The following SVEP1 variants were observed in gnomAD, a reference collection of about 807,000 sequenced individuals.
The protein encoded by SVEP1 is sushi, von Willebrand factor type A, EGF and pentraxin domain containing 1.
A neutral mutation model predicts 367.3 loss-of-function variants in SVEP1; 164 were observed. That is an observed-to-expected ratio of 0.45 (90% CI 0.39 to 0.51). SVEP1 has a LOEUF of 0.51. SVEP1 is among the 20% of genes least tolerant of loss of function. The pLI is 0.00. For missense variants in SVEP1, 4,117 were observed against 4,425.3 expected (o/e 0.93, Z 1.98); for synonymous variants, 1,666 against 1,611.6 (o/e 1.03, Z -0.81).
intron 14 of SVEP1, among the ~76,000 whole-genome samples, chr9:110,472,533 AAAG>A (rs1829037181): frequency 6.6e-6 from 1 of 152,172 alleles, no homozygotes. Context: ...AATAATACTA[AAAG>A]AAGAAAGAAA....
intron 3 of SVEP1, among the ~76,000 whole-genome samples, chr9:110,534,699 C>T (rs990616380): frequency 6.6e-6 from 1 of 152,106 alleles, no homozygotes; most frequent in African/African-American, 2.4e-5. Context: ...TTGTTTTTGA[C>T]ATTTTAATAA....
chr9:110,388,267 T>C (rs1410046), intron 41 of SVEP1, among the ~76,000 whole-genome samples: 13,996 of 152,168 alleles, frequency 0.092, 1,104 homozygotes, highest in East Asian at 0.4. Context: ...AGTAAAGTTA[T>C]AAAGAATGAT....
intron 40 of SVEP1, among the ~76,000 whole-genome samples, chr9:110,400,247 C>T (rs1827836711): frequency 6.6e-6 from 1 of 152,198 alleles, no homozygotes; most frequent in South Asian, 2.1e-4. Context: ...AATATGATTA[C>T]CAGCAAGCCG....
rs375565895 is a variant in SVEP1, at chr9:110,400,994, C to G, written c.9682G>C (p.Glu3228Gln). 42 of 1,613,470 alleles carry G rather than the reference C, an allele frequency of 2.6e-5. No individual in the cohort carries two copies. Among genetic ancestry groups the G allele is most frequent in the Non-Finnish European group, 3.3e-5 (39 of 1,179,792 alleles). Residue 3228 changes from glutamate (E) to glutamine (Q), a missense_variant, in exon 40 of 48, where the codon GAG becomes CAG. Physicochemically the swap from Glu to Gln is conservative, Grantham distance 29. Transcript: ENST00000374469. ...CAAGATTCATCGGAGAATGGTGGCTCCCAGGTTCCATCAAGCTAAGTGACA... is the reference window on the plus strand; with the variant it reads ...CAAGATTCATCGGAGAATGGTGGCTGCCAGGTTCCATCAAGCTAAGTGACA... ...ISVCQLDGTW[E>Q]PPFSDESCSP...
chr9:110,390,375 T>TTATATATATACACTTA (rs1827636572), intron 40 of SVEP1, among the ~76,000 whole-genome samples: 1 of 43,944 alleles, frequency 2.3e-5, no homozygotes, highest in African/African-American at 1.1e-4. Flanking sequence ...TTATATCTAC[T>TTATATATATACACTTA]TATATATATA....
chr9:110,504,369 T>A (rs979499437), intron 5 of SVEP1, among the ~76,000 whole-genome samples: 5 of 152,238 alleles, frequency 3.3e-5, no homozygotes. Flanking sequence ...CTTGGAAAGC[T>A]TTTTAAAGGG....
chr9:110,395,574 C>G (rs1053519260), intron 40 of SVEP1, among the ~76,000 whole-genome samples: 3 of 152,086 alleles, frequency 2.0e-5, no homozygotes, highest in Non-Finnish European at 2.9e-5. Flanking sequence ...GATAAAGAGT[C>G]AAGACCCATC....
At chr9:110,433,595 C>T (rs2118562850) in intron 30 of SVEP1, among the ~76,000 whole-genome samples, 1 of 151,288 alleles carries the variant, frequency 6.6e-6, no homozygotes, top group East Asian at 1.9e-4. Context: ...TTTCAGCCTA[C>T]TGAGTAGCTG....
chr9:110,387,621 T>C (rs1053379165), intron 41 of SVEP1, among the ~76,000 whole-genome samples, 163 bp from the exon 42 acceptor site: 8 of 152,310 alleles, frequency 5.3e-5, no homozygotes, highest in African/African-American at 1.9e-4. Flanking sequence ...ATAGCATACC[T>C]AAGTATTGGA....
At chr9:110,425,020 G>A (rs1828230674) in intron 36 of SVEP1, among the ~76,000 whole-genome samples, 1 of 152,156 alleles carries the variant, frequency 6.6e-6, no homozygotes, top group African/African-American at 2.4e-5. Context: ...TAAAAATTTG[G>A]CCAGAAGAAA....
At chr9:110,504,594 C>T (rs1829594319) in intron 5 of SVEP1, among the ~76,000 whole-genome samples, 1 of 152,210 alleles carries the variant, frequency 6.6e-6, no homozygotes, top group African/African-American at 2.4e-5. Flanking sequence ...GGATTACCTA[C>T]TTCTGTCCTT....
chr9:110,404,777 C>A (rs541640560), intron 38 of SVEP1, among the ~76,000 whole-genome samples: 10 of 152,270 alleles, frequency 6.6e-5, no homozygotes, highest in African/African-American at 2.2e-4. Context: ...GTAATCCCTG[C>A]ACTTTGGAAG....
At chr9:110,503,251 G>A (rs1301486892) in intron 5 of SVEP1, 34 bp from the exon 6 acceptor site, 7 of 1,574,224 alleles carry the variant, frequency 4.4e-6, no homozygotes, top group Non-Finnish European at 6.0e-6. Context: ...ATCACATTTT[G>A]CTAAATAAGG....
At chr9:110,518,658 T>A (rs1395469927) in intron 3 of SVEP1, among the ~76,000 whole-genome samples, 2 of 152,140 alleles carry the variant, frequency 1.3e-5, no homozygotes, top group African/African-American at 4.8e-5. Flanking sequence ...GAGACCACTA[T>A]GATTTCTCAT....
chr9:110,389,290 C>T (rs1411794294), intron 41 of SVEP1, among the ~76,000 whole-genome samples: 1 of 152,110 alleles, frequency 6.6e-6, no homozygotes, highest in Admixed American at 6.6e-5. Context: ...GTTTGCCATT[C>T]CAGAGTCAGT....
chr9:110,416,058 AT>A (rs1366651822), intron 36 of SVEP1, among the ~76,000 whole-genome samples: 2 of 151,972 alleles, frequency 1.3e-5, no homozygotes, highest in African/African-American at 4.8e-5. Context: ...TAGAAAAAAA[AT>A]CTACATACTC....
chr9:110,386,748 A>G (rs1029694181), intron 42 of SVEP1, among the ~76,000 whole-genome samples: 1 of 152,278 alleles, frequency 6.6e-6, no homozygotes, highest in African/African-American at 2.4e-5. Context: ...TTAAATGGGC[A>G]TAAAAGTATT....
intron 18 of SVEP1, among the ~76,000 whole-genome samples, chr9:110,459,955 CACTT>C (rs571958375): frequency 3.0e-4 from 45 of 152,042 alleles, no homozygotes; most frequent in South Asian, 1.2e-3. Flanking sequence ...TCATTTGACA[CACTT>C]AGACTAATTA....
At chr9:110,435,439 C>A in intron 28 of SVEP1, 75 bp from the exon 29 acceptor site, 1 of 1,519,974 alleles carries the variant, frequency 6.6e-7, no homozygotes, top group Admixed American at 2.0e-5. Context: ...TAATTTAGTC[C>A]TATTGAAAAC....
Sources: allele counts gnomAD v4.1 joint callset (sites outside exome capture counted in the v4.1 genomes callset), GRCh38; gene constraint gnomAD v4.1.1; transcripts MANE v1.5; gene names NCBI Gene and HGNC (gene_info 2026-07-23, HGNC 2026-07-21).